Variants in ADCY10 observed in about 807,000 individuals in gnomAD.
ADCY10 encodes adenylate cyclase type 10.
In ADCY10, 156 loss-of-function variants were observed where a neutral mutation model predicts 183.3. The observed-to-expected ratio is 0.85, with a 90% CI of 0.75 to 0.97. The LOEUF is 0.97. ADCY10 is among the 50% of genes least tolerant of loss of function. The pLI is 0.00. For synonymous variants in ADCY10, 645 were observed against 670.0 expected (o/e 0.96, Z 0.58); for missense variants, 1,745 against 1,934.3 (o/e 0.90, Z 1.84).
chr1:167,877,381 C>T (rs181097176), intron 12 of ADCY10, among the ~76,000 whole-genome samples: 2 of 151,660 alleles, frequency 1.3e-5, no homozygotes, highest in Non-Finnish European at 1.5e-5. Flanking sequence ...AAGCACAGTG[C>T]TAAGCCTCAG....
chr1:167,879,481 A>G (rs1172140024), intron 11 of ADCY10, among the ~76,000 whole-genome samples: 1 of 152,162 alleles, frequency 6.6e-6, no homozygotes, highest in Admixed American at 6.5e-5. Flanking sequence ...ATGAATTTCC[A>G]TATACCCATC....
At chr1:167,824,330 A>G (rs908553799) in intron 28 of ADCY10, 146 bp downstream of exon 28, 61 of 764,822 alleles carry the variant, frequency 8.0e-5, no homozygotes, top group Non-Finnish European at 1.4e-4. Flanking sequence ...CTGAAAAAAG[A>G]AAAAAGGGTG....
At chr1:167,886,923 C>T (rs9659115) in intron 8 of ADCY10, among the ~76,000 whole-genome samples, 43,293 of 152,152 alleles carry the variant, frequency 0.28, 6,302 homozygotes, top group Middle Eastern at 0.4. Flanking sequence ...GACATTTATG[C>T]AGCCAACAGA....
intron 9 of ADCY10, among the ~76,000 whole-genome samples, chr1:167,883,124 G>A (rs946727021): frequency 9.9e-5 from 15 of 152,182 alleles, no homozygotes; most frequent in African/African-American, 1.9e-4. Flanking sequence ...TGCAACCTCC[G>A]CCTCTCAGGT....
At chr1:167,878,754 T>C in intron 11 of ADCY10, 119 bp from the exon 12 acceptor site, 1 of 1,016,888 alleles carries the variant, frequency 9.8e-7, no homozygotes, top group East Asian at 2.6e-5. Flanking sequence ...TGTTCATGAG[T>C]GACACAGAAG....
intron 29 of ADCY10, 113 bp downstream of exon 29, chr1:167,822,895 G>A: frequency 1.1e-6 from 1 of 902,256 alleles, no homozygotes; most frequent in South Asian, 1.4e-5. Flanking sequence ...TGCCCTGTAA[G>A]TCCACCAGCC....
chr1:167,868,399 A>G (rs1666851987), intron 14 of ADCY10, among the ~76,000 whole-genome samples: 1 of 152,186 alleles, frequency 6.6e-6, no homozygotes, highest in Non-Finnish European at 1.5e-5. Flanking sequence ...GAAAGAATTC[A>G]CTCATCCTGT....
In ADCY10 at chr1:167,878,615, A is replaced by G. The variant is rs765799400; in HGVS notation, c.1237T>C (p.Leu413=). ...TAGTACATCATCATCCTGGCAGCTA[A>G]GTTGACTTTTTGACCAATGACTATA... The part of the protein sequence containing the change: ...EYTVIGQKVN[L]AARMMMYYPG... The change falls in exon 12 of 33, where the codon TTA becomes CTA. Residue 413 remains leucine, a synonymous_variant. Coordinates refer to ENST00000367851, the MANE Select transcript of ADCY10 (RefSeq NM_018417.6). 5.6e-6 allele frequency: 9 copies of G among 1,614,116 alleles called. No homozygotes were observed. The highest frequency in any genetic ancestry group is 1.3e-5 in the African/African-American group (1 of 75,042).
At chr1:167,853,817 T>A (rs1665674616) in intron 18 of ADCY10, among the ~76,000 whole-genome samples, 1 of 149,562 alleles carries the variant, frequency 6.7e-6, no homozygotes, top group East Asian at 1.9e-4. Context: ...TTCTTTCATT[T>A]CTACTATAGT....
At chr1:167,886,368 G>A (rs1277703647) in intron 8 of ADCY10, among the ~76,000 whole-genome samples, 1 of 152,124 alleles carries the variant, frequency 6.6e-6, no homozygotes, top group Non-Finnish European at 1.5e-5. Context: ...CAATGGAATG[G>A]AACAGATCCC....
In ADCY10 at chr1:167,913,764, G is replaced by A. The variant is rs548555104; in HGVS notation, c.-59+212C>T. 1.2e-4 allele frequency among the ~76,000 whole-genome samples: 18 copies of A among 152,204 alleles called. No individual in the cohort carries two copies. In the South Asian group the frequency reaches 3.7e-3, roughly 32 times the overall value. ...ATAAAGAAAGTAAGCTAGAAAGACA[G>A]AGCATCCAGGTTGAGAAGGTGAGGC... is the stretch of plus-strand genomic sequence containing the variant. On this transcript the variant is annotated intron_variant, in intron 1 of 32. Coordinates refer to ENST00000367851, the MANE Select transcript of ADCY10 (RefSeq NM_018417.6).
At chr1:167,908,975 T>C (rs371327213) in intron 1 of ADCY10, among the ~76,000 whole-genome samples, 1 of 152,192 alleles carries the variant, frequency 6.6e-6, no homozygotes, top group Non-Finnish European at 1.5e-5. Flanking sequence ...TGAATTACTC[T>C]AAGGTGAGCA....
At chr1:167,864,243 C>G (rs1406576536) in intron 14 of ADCY10, among the ~76,000 whole-genome samples, 1 of 151,994 alleles carries the variant, frequency 6.6e-6, no homozygotes, top group Non-Finnish European at 1.5e-5. Flanking sequence ...TGTTTTGTCT[C>G]GAAGAAACAT....
chr1:167,812,043 C>G lies in ADCY10; in HGVS notation c.4483-1130G>C, dbSNP rs1282848303. ...AGCTGCCTGTCCCCCAGCCTCAAAA[C>G]CTGTGGCAGACAGTTGTTGTGCACA... is the stretch of plus-strand genomic sequence containing the variant. On this transcript the variant is annotated intron_variant, in intron 31 of 32. Coordinates refer to ENST00000367851, the MANE Select transcript of ADCY10 (RefSeq NM_018417.6). Among the ~76,000 whole-genome samples, 3 of 152,208 alleles carry G rather than the reference C, an allele frequency of 2.0e-5. No individual in the cohort carries two copies. In the East Asian group the frequency reaches 5.8e-4, roughly 29 times the overall value.
chr1:167,877,210 T>G (rs1302962355), intron 12 of ADCY10, among the ~76,000 whole-genome samples: 1 of 150,718 alleles, frequency 6.6e-6, no homozygotes, highest in African/African-American at 2.4e-5. Flanking sequence ...AGTTTTTGAA[T>G]TTATAAAATG....
At chr1:167,829,573 A>C in intron 25 of ADCY10, 150 bp from the exon 26 acceptor site, 1 of 835,042 alleles carries the variant, frequency 1.2e-6, no homozygotes, top group Non-Finnish European at 1.9e-6. Context: ...ACAAACAAGC[A>C]CATTAATTTT....
At chr1:167,880,997 C>G (rs370507407) in intron 9 of ADCY10, among the ~76,000 whole-genome samples, 3 of 152,152 alleles carry the variant, frequency 2.0e-5, no homozygotes. Flanking sequence ...AGCCACTTCT[C>G]AAGTGTGGAA....
At chr1:167,889,931 C>T (rs1048980239) in intron 8 of ADCY10, among the ~76,000 whole-genome samples, 13 of 152,100 alleles carry the variant, frequency 8.5e-5, no homozygotes, top group African/African-American at 3.1e-4. Flanking sequence ...CTCTTCTGTT[C>T]TTAGTTAACA....
chr1:167,850,697 G>GTGTGTA (rs372465279), intron 18 of ADCY10, among the ~76,000 whole-genome samples: 35,534 of 142,306 alleles, frequency 0.25, 4,916 homozygotes, highest in East Asian at 0.3. Context: ...GTGTGTGTGT[G>GTGTGTA]TGTGTGTGTG....
Sources: allele counts gnomAD v4.1 joint callset (sites outside exome capture counted in the v4.1 genomes callset), GRCh38; gene constraint gnomAD v4.1.1; transcripts MANE v1.5; gene names NCBI Gene and HGNC (gene_info 2026-07-23, HGNC 2026-07-21).